MYO16: variants seen among roughly 807,000 people sequenced by gnomAD.
MYO16 encodes myosin XVI, also known as unconventional myosin-XVI.
Under a neutral mutation model 205.3 loss-of-function variants are expected in MYO16, and 94 were observed. The observed-to-expected ratio is 0.46, with a 90% CI of 0.39 to 0.54. The LOEUF is 0.54. Among genes scored for constraint, MYO16 ranks in the 20% least tolerant of loss-of-function variants. The pLI, the probability that MYO16 is intolerant of heterozygous loss-of-function variation, is 0.00. For missense variants in MYO16, 2,315 were observed against 2,387.5 expected, an observed-to-expected ratio of 0.97 and a Z score of 0.63; for synonymous variants, 988 against 954.0, an observed-to-expected ratio of 1.04 and a Z score of -0.66.
At chr13:108,630,379 C>CG (rs1385428841) in intron 1 of MYO16, among the ~76,000 whole-genome samples, 2 of 152,128 alleles carry the variant, frequency 1.3e-5, no homozygotes, top group Non-Finnish European at 2.9e-5. Flanking sequence ...ATTCACCTTG[C>CG]GGTGCTTAGG....
intron 31 of MYO16, among the ~76,000 whole-genome samples, chr13:109,129,040 G>A (rs1435113223): frequency 6.7e-6 from 1 of 149,976 alleles, no homozygotes; most frequent in Non-Finnish European, 1.5e-5. Context: ...CCAAAGTGCT[G>A]AGATTACAGG....
intron 3 of MYO16, among the ~76,000 whole-genome samples, chr13:108,716,628 T>C (rs1175816489): frequency 6.6e-6 from 1 of 152,196 alleles, no homozygotes; most frequent in Non-Finnish European, 1.5e-5. Context: ...AAATGTCAAG[T>C]GTGAGTATCT....
chr13:109,012,576 T>TC (rs563597008), intron 22 of MYO16, among the ~76,000 whole-genome samples: 3 of 151,652 alleles, frequency 2.0e-5, no homozygotes, highest in Admixed American at 6.6e-5. Flanking sequence ...CCTGAAACCA[T>TC]CCCCCCCACC....
intron 16 of MYO16, among the ~76,000 whole-genome samples, chr13:108,946,658 C>A (rs920652706): frequency 3.9e-5 from 6 of 151,904 alleles, no homozygotes; most frequent in African/African-American, 1.5e-4. Context: ...AAGTGAAATG[C>A]GGAGAAGAGA....
At chr13:108,798,712 T>TA in intron 6 of MYO16, among the ~76,000 whole-genome samples, 1 of 135,294 alleles carries the variant, frequency 7.4e-6, no homozygotes. Context: ...TTTTTTTTTT[T>TA]TTTTGAGATG....
chr13:109,155,290 G>A (rs768900392), intron 32 of MYO16, among the ~76,000 whole-genome samples: 10 of 152,032 alleles, frequency 6.6e-5, no homozygotes, highest in African/African-American at 1.4e-4. Context: ...ATTCCTCCCC[G>A]CTTAACCTGG....
At chr13:109,091,213 A>G (rs1888612641) in intron 27 of MYO16, among the ~76,000 whole-genome samples, 10 of 152,164 alleles carry the variant, frequency 6.6e-5, no homozygotes, top group Admixed American at 5.9e-4. Context: ...CCTCAGGGAA[A>G]ATGCCCAGGA....
At chr13:108,647,794 G>C (rs532281721) in intron 1 of MYO16, among the ~76,000 whole-genome samples, 1 of 152,300 alleles carries the variant, frequency 6.6e-6, no homozygotes, top group East Asian at 1.9e-4. Flanking sequence ...TCAATGCAAA[G>C]TAACTTATTA....
intron 25 of MYO16, among the ~76,000 whole-genome samples, 180 bp from the exon 26 acceptor site, chr13:109,054,866 T>C (rs55968431): frequency 0.024 from 3,660 of 152,066 alleles, 61 homozygotes; most frequent in South Asian, 0.056. Context: ...ACTTTTTCTT[T>C]TTCTCCATTC....
At chr13:108,690,828 G>A (rs1195352379) in intron 2 of MYO16, among the ~76,000 whole-genome samples, 2 of 152,066 alleles carry the variant, frequency 1.3e-5, no homozygotes, top group Non-Finnish European at 2.9e-5. Context: ...TTTAAAAATA[G>A]TATCATAGCC....
chr13:109,154,312 C>A (rs897622473), intron 32 of MYO16, among the ~76,000 whole-genome samples: 1 of 152,148 alleles, frequency 6.6e-6, no homozygotes, highest in Non-Finnish European at 1.5e-5. Flanking sequence ...TCCATCCCAC[C>A]GCCTTGGGTG....
chr13:108,559,630 C>T, the MYO16 span, among the ~76,000 whole-genome samples: 9 of 151,706 alleles, frequency 5.9e-5, no homozygotes, highest in African/African-American at 2.4e-5. Flanking sequence ...CCCGCCACCA[C>T]GCCCGGCTAA....
At chr13:109,188,272 T>A (rs1356183586) in intron 34 of MYO16, among the ~76,000 whole-genome samples, 6 of 152,214 alleles carry the variant, frequency 3.9e-5, no homozygotes, top group Admixed American at 3.3e-4. Flanking sequence ...TTATGAAAAT[T>A]CAGTGTTTCT....
rs151061881 is a variant in MYO16 at position 108,793,436 on chromosome 13, A to T, written c.617-80A>T. On this transcript the variant is annotated intron_variant, in intron 5 of 34. Transcript: ENST00000457511. ...TCAAAGAAAAACACATTGAAAGAATAGGTTATAAAGCTAGGCTTTGACCCC... is the reference window on the plus strand; with the variant it reads ...TCAAAGAAAAACACATTGAAAGAATTGGTTATAAAGCTAGGCTTTGACCCC... 5.2e-6 allele frequency: 7 copies of T among 1,356,214 alleles called. No individual in the cohort carries two copies. The African/African-American group carries it at 5.8e-5, about 11-fold the overall frequency. The allele number at this position is 1,356,214 out of a possible 1,614,324, so 84.0% of individuals were successfully genotyped here.
the MYO16 span, among the ~76,000 whole-genome samples, chr13:108,499,149 G>T: frequency 6.6e-6 from 1 of 152,100 alleles, no homozygotes; most frequent in Non-Finnish European, 1.5e-5. Context: ...TACTCAACTT[G>T]CCTGTTTTAA....
chr13:108,946,713 G>C (rs1882955902), intron 16 of MYO16, among the ~76,000 whole-genome samples: 1 of 152,122 alleles, frequency 6.6e-6, no homozygotes, highest in African/African-American at 2.4e-5. Flanking sequence ...CAATAGCCAA[G>C]AGGGTATGGA....
chr13:108,910,187 C>T (rs1881190119), intron 16 of MYO16, 37 bp downstream of exon 16: 2 of 1,579,820 alleles, frequency 1.3e-6, no homozygotes, highest in East Asian at 2.2e-5. Context: ...AAAGCTATGC[C>T]TTCAAATTGT....
At chr13:108,731,634 T>C (rs1884525658) in intron 4 of MYO16, among the ~76,000 whole-genome samples, 1 of 152,198 alleles carries the variant, frequency 6.6e-6, no homozygotes, top group African/African-American at 2.4e-5. Flanking sequence ...GTCCTGTTTC[T>C]CACAGTGCAG....
the MYO16 span, among the ~76,000 whole-genome samples, chr13:108,588,514 C>T: frequency 1.3e-5 from 2 of 151,980 alleles, no homozygotes; most frequent in African/African-American, 4.8e-5. Context: ...AGGAAAAATA[C>T]CAAGGAAGGT....
Sources: gnomAD v4.1 joint callset for allele counts (sites outside exome capture counted in the v4.1 genomes callset) on GRCh38, gnomAD v4.1.1 for gene constraint, MANE v1.5 for transcripts, NCBI Gene and HGNC (gene_info 2026-07-23, HGNC 2026-07-21) for gene names.